SLC35F1: variants seen among roughly 807,000 people sequenced by gnomAD.
The protein encoded by SLC35F1 is chromosome 6 open reading frame 169.
A neutral mutation model predicts 48.7 loss-of-function variants in SLC35F1; 14 were observed. That is an observed-to-expected ratio of 0.29 (90% CI 0.19 to 0.45). SLC35F1 has a LOEUF of 0.45. Among genes scored for constraint, SLC35F1 ranks in the 20% least tolerant of loss-of-function variants. The pLI is 1.00. For missense variants in SLC35F1, 404 were observed against 500.0 expected, an observed-to-expected ratio of 0.81 and a Z score of 1.83; for synonymous variants, 190 against 202.2, an observed-to-expected ratio of 0.94 and a Z score of 0.51.
chr6:117,916,210 G>A (rs935077744), intron 1 of SLC35F1, among the ~76,000 whole-genome samples: 1 of 152,042 alleles, frequency 6.6e-6, no homozygotes, highest in Admixed American at 6.6e-5. Context: ...GTTTGAGAGA[G>A]CACTTTTATA....
At position 118,074,151 on chromosome 6, in the gene SLC35F1, C is replaced by T. The variant is rs117393961; in HGVS notation, c.174-80294C>T. Among the ~76,000 whole-genome samples the T allele has an allele frequency of 8.4e-3, 1,276 of 152,236 alleles. 9 individuals are homozygous for T. The highest frequency in any genetic ancestry group is 0.013 in the Non-Finnish European group (906 of 68,020). ...TTGAGAAACTTGAGTTCCAGTTCAC[C>T]TCTGTTGTAGATTATTAGTGCATCC... On this transcript the variant is annotated intron_variant, in intron 1 of 7. Transcript: ENST00000360388.
intron 2 of SLC35F1, among the ~76,000 whole-genome samples, chr6:118,164,109 A>G (rs113185776): frequency 0.018 from 2,677 of 152,314 alleles, 39 homozygotes; most frequent in Non-Finnish European, 0.022. Flanking sequence ...GGACTCGAAG[A>G]AGCATCATCA....
At chr6:118,130,052 A>G (rs1368204940) in intron 1 of SLC35F1, among the ~76,000 whole-genome samples, 8 of 152,178 alleles carry the variant, frequency 5.3e-5, no homozygotes, top group East Asian at 1.9e-4. Context: ...ATGCTTTACA[A>G]TTCTAAAACA....
At chr6:118,124,571 G>T (rs1168858794) in intron 1 of SLC35F1, among the ~76,000 whole-genome samples, 2 of 152,126 alleles carry the variant, frequency 1.3e-5, no homozygotes, top group African/African-American at 4.8e-5. Flanking sequence ...GTGACCTACT[G>T]ACTGAGGTCA....
intron 1 of SLC35F1, among the ~76,000 whole-genome samples, chr6:117,942,096 C>T (rs907317707): frequency 6.6e-6 from 1 of 152,180 alleles, no homozygotes; most frequent in Non-Finnish European, 1.5e-5. Flanking sequence ...ATACTCTCAA[C>T]AACACTTTGC....
chr6:117,995,804 CT>C (rs1776979325), intron 1 of SLC35F1, among the ~76,000 whole-genome samples: 1 of 151,998 alleles, frequency 6.6e-6, no homozygotes, highest in African/African-American at 2.4e-5. Context: ...ATTCAAAGTT[CT>C]GTTTAAGAAA....
chr6:118,092,868 T>TAC (rs1369393934), intron 1 of SLC35F1, among the ~76,000 whole-genome samples: 1 of 152,218 alleles, frequency 6.6e-6, no homozygotes, highest in East Asian at 1.9e-4. Context: ...GCCCCCATTG[T>TAC]ATCTAGGAAG....
At chr6:118,182,639 GAGGAGGATTGCATGAGGCC>G (rs1774598982) in intron 2 of SLC35F1, among the ~76,000 whole-genome samples, 1 of 152,062 alleles carries the variant, frequency 6.6e-6, no homozygotes, top group South Asian at 2.1e-4. Flanking sequence ...GCTGAGGTGG[GAGGAGGATTGCATGAGGCC>G]AGGAGTTCAA....
intron 1 of SLC35F1, among the ~76,000 whole-genome samples, chr6:117,967,264 GA>G (rs1389397140): frequency 6.6e-6 from 1 of 151,882 alleles, no homozygotes; most frequent in Non-Finnish European, 1.5e-5. Flanking sequence ...AAGAAGGATA[GA>G]AAATACAGGA....
At chr6:118,135,840 AG>A (rs1342800245) in intron 1 of SLC35F1, among the ~76,000 whole-genome samples, 1 of 152,220 alleles carries the variant, frequency 6.6e-6, no homozygotes, top group African/African-American at 2.4e-5. Context: ...GAATAGCACC[AG>A]GTATTGACCC....
At chr6:118,140,424 T>C (rs1773868683) in intron 1 of SLC35F1, among the ~76,000 whole-genome samples, 1 of 152,222 alleles carries the variant, frequency 6.6e-6, no homozygotes, top group Non-Finnish European at 1.5e-5. Flanking sequence ...TTTCTGGTGA[T>C]AGTGGTGTAA....
At chr6:118,200,540 A>G (rs1216463939) in intron 2 of SLC35F1, among the ~76,000 whole-genome samples, 1 of 152,196 alleles carries the variant, frequency 6.6e-6, no homozygotes, top group Non-Finnish European at 1.5e-5. Flanking sequence ...TTAAGTAATA[A>G]AAGCCGTAAC....
At position 117,923,704 on chromosome 6, in the gene SLC35F1, T is replaced by TACATATGTATATACATATATGTACAC. The variant is rs1775958364; in HGVS notation, c.173+15806_173+15807insCATATGTATATACATATATGTACACA. ...ATATATACATATGTACATATACATATATGTACATATATACATATATACATA... is the reference window on the plus strand; with the variant it reads ...ATATATACATATGTACATATACATATACATATGTATATACATATATGTACACATGTACATATATACATATATACATA... On this transcript the variant is annotated intron_variant, in intron 1 of 7. Coordinates refer to ENST00000360388, the MANE Select transcript of SLC35F1 (RefSeq NM_001029858.4). Among the ~76,000 whole-genome samples, 8 of 106,666 alleles carry TACATATGTATATACATATATGTACAC rather than the reference T, an allele frequency of 7.5e-5. 1 individual carries two copies. The highest frequency in any genetic ancestry group is 1.1e-4 in the African/African-American group (3 of 27,526). 70.0% of individuals were successfully genotyped at this position (106,666 alleles called of 152,430 possible).
chr6:117,908,388 G>A (rs933055437), intron 1 of SLC35F1, among the ~76,000 whole-genome samples: 1 of 152,214 alleles, frequency 6.6e-6, no homozygotes, highest in Non-Finnish European at 1.5e-5. Context: ...GGGGGAATGG[G>A]GTCGCAGCGA....
chr6:118,129,881 G>C (rs2114419593), intron 1 of SLC35F1, among the ~76,000 whole-genome samples: 1 of 152,230 alleles, frequency 6.6e-6, no homozygotes, highest in African/African-American at 2.4e-5. Flanking sequence ...AAAGCCATAT[G>C]ATATTTTAGG....
intron 1 of SLC35F1, among the ~76,000 whole-genome samples, chr6:117,924,452 C>G (rs72955865): frequency 0.054 from 5,270 of 98,042 alleles, 235 homozygotes; most frequent in Middle Eastern, 0.08. Flanking sequence ...ATACACATAC[C>G]TATATGTGTG....
chr6:117,924,453 TATATGTGTGTAC>T (rs1356844087), intron 1 of SLC35F1, among the ~76,000 whole-genome samples: 11 of 99,340 alleles, frequency 1.1e-4, no homozygotes, highest in African/African-American at 5.1e-4. Context: ...TACACATACC[TATATGTGTGTAC>T]ATATATACAT....
At chr6:117,924,516 A>ATG (rs1326649482) in intron 1 of SLC35F1, among the ~76,000 whole-genome samples, 3,021 of 100,784 alleles carry the variant, frequency 0.03, 422 homozygotes, top group African/African-American at 0.098. Flanking sequence ...GTATATACAT[A>ATG]TATATATGTC....
At chr6:118,070,947 A>AAATATATATAC (rs1189703254) in intron 1 of SLC35F1, among the ~76,000 whole-genome samples, 6 of 127,890 alleles carry the variant, frequency 4.7e-5, no homozygotes, top group African/African-American at 1.8e-4. Context: ...TATACATAGT[A>AAATATATATAC]TATATATACT....
Sources: gnomAD v4.1 joint callset for allele counts (sites outside exome capture counted in the v4.1 genomes callset) on GRCh38, gnomAD v4.1.1 for gene constraint, MANE v1.5 for transcripts, NCBI Gene and HGNC (gene_info 2026-07-23, HGNC 2026-07-21) for gene names.